The following GALNT9 variants were observed in gnomAD, a reference collection of about 807,000 sequenced individuals.
The protein encoded by GALNT9 is GalNAc transferase 9.
Under a neutral mutation model 63.1 loss-of-function variants are expected in GALNT9, and 47 were observed. The observed-to-expected ratio is 0.75, with a 90% confidence interval of 0.59 to 0.95. GALNT9 has a LOEUF of 0.95. Among genes scored for constraint, GALNT9 ranks in the 40% least tolerant of loss-of-function variants. GALNT9 has a pLI of 0.00. For synonymous variants in GALNT9, 396 were observed against 365.7 expected, an observed-to-expected ratio of 1.08 and a Z score of -0.94; for missense variants, 829 against 874.8, an observed-to-expected ratio of 0.95 and a Z score of 0.66.
chr12:132,240,690 T>C (rs2136899207), intron 6 of GALNT9: 1 of 455,976 alleles, frequency 2.2e-6, no homozygotes, highest in Admixed American at 2.4e-5. Flanking sequence ...TTTTATTCTG[T>C]TTATAATTTA....
chr12:132,270,096 G>A lies in GALNT9; in HGVS notation c.420-7471C>T, dbSNP rs540875541. ...ACAAGAACAAGTCCCATTTAGGGCC[G>A]AGAAATGAAACAGGGTCACACCTAT... is the stretch of plus-strand genomic sequence containing the variant. On this transcript the variant is annotated intron_variant, in intron 2 of 10. Transcript: ENST00000328957. Among the ~76,000 whole-genome samples, 8 of 152,332 alleles carry A rather than the reference G, an allele frequency of 5.3e-5. No homozygotes were observed. In the East Asian group the frequency reaches 1.5e-3, roughly 29 times the overall value.
chr12:132,200,670 A>G (rs144117189), intron 8 of GALNT9: 6 of 160,646 alleles, frequency 3.7e-5, no homozygotes, highest in East Asian at 1.8e-4. Context: ...GCTCTTGTAC[A>G]TATGAGTGTT....
chr12:132,254,761 T>C (rs66912639), intron 5 of GALNT9, among the ~76,000 whole-genome samples: 9,983 of 152,290 alleles, frequency 0.066, 1,043 homozygotes, highest in African/African-American at 0.23. Flanking sequence ...CCTCTTGGTC[T>C]GTCCCTATTC....
intron 6 of GALNT9, among the ~76,000 whole-genome samples, chr12:132,216,715 T>C (rs1280699132): frequency 6.6e-6 from 1 of 152,228 alleles, no homozygotes; most frequent in Non-Finnish European, 1.5e-5. Context: ...CTGACTGGGA[T>C]GCCCACTCAC....
At chr12:132,317,492 A>G (rs1469225099) in intron 1 of GALNT9, among the ~76,000 whole-genome samples, 2 of 152,242 alleles carry the variant, frequency 1.3e-5, no homozygotes, top group Non-Finnish European at 2.9e-5. Context: ...CTCACCAAGG[A>G]GACCTGCGGT....
rs1279007250 is a variant in GALNT9, at chr12:132,315,392, G to A, written c.238+13574C>T. The stretch of plus-strand genomic sequence containing the variant: ...CCCCCGTGTCCACTGCAAAGTGCTC[G>A]AGCCTCAGAATATTAACAGGCATTT... On this transcript the variant is annotated intron_variant, in intron 1 of 10. Transcript: ENST00000328957. This position sits in a 1 kb window ranked among gnomAD's most constrained non-coding sequence, Gnocchi z 6.1. Among the ~76,000 whole-genome samples, 5 of 152,026 alleles carry A rather than the reference G, an allele frequency of 3.3e-5. No individual in the cohort carries two copies. Among genetic ancestry groups the A allele is most frequent in the African/African-American group, 9.7e-5 (4 of 41,360 alleles).
intron 1 of GALNT9, among the ~76,000 whole-genome samples, chr12:132,299,044 C>CATG (rs1881187189): frequency 6.8e-6 from 1 of 147,264 alleles, no homozygotes; most frequent in African/African-American, 2.5e-5. Flanking sequence ...AACTCACTCC[C>CATG]ATACCTCACC....
At chr12:132,260,292 ACCTTGG>A (rs1879327110) in intron 4 of GALNT9, among the ~76,000 whole-genome samples, 1 of 151,848 alleles carries the variant, frequency 6.6e-6, no homozygotes, top group Non-Finnish European at 1.5e-5. Flanking sequence ...CCCTGCCCAC[ACCTTGG>A]AGTCGGGCCC....
intron 2 of GALNT9, chr12:132,274,717 A>G (rs1237405832): frequency 2.0e-5 from 3 of 152,286 alleles, no homozygotes; most frequent in African/African-American, 7.2e-5. Flanking sequence ...CGTAACATTA[A>G]AAGTCTAAGT....
intron 6 of GALNT9, among the ~76,000 whole-genome samples, chr12:132,230,755 C>A (rs1479569622): frequency 6.6e-6 from 1 of 152,244 alleles, no homozygotes; most frequent in Non-Finnish European, 1.5e-5. Context: ...GATAGCCACA[C>A]TGGAGGCTGA....
intron 6 of GALNT9, chr12:132,247,534 C>A: frequency 2.1e-6 from 1 of 470,968 alleles, no homozygotes; most frequent in Non-Finnish European, 4.2e-6. Flanking sequence ...GCTCAGTGCG[C>A]TGAGCAGGAG....
At chr12:132,289,075 G>C (rs1555242468) in intron 1 of GALNT9, among the ~76,000 whole-genome samples, 1 of 152,208 alleles carries the variant, frequency 6.6e-6, no homozygotes, top group African/African-American at 2.4e-5. Context: ...TTTGGTCAGG[G>C]CATATCTTGC....
chr12:132,328,456 G>T (rs1023519001), intron 1 of GALNT9, among the ~76,000 whole-genome samples: 26 of 152,318 alleles, frequency 1.7e-4, no homozygotes, highest in African/African-American at 6.3e-4. Flanking sequence ...GGGCCGCCTA[G>T]CCCAGTGGTC....
Position 132,327,706 on chromosome 12 carries a change from C to T in GALNT9, c.238+1260G>A, listed in dbSNP as rs1260341044. On this transcript the variant is annotated intron_variant, in intron 1 of 10. Transcript: ENST00000328957. This position sits in a 1 kb window ranked among gnomAD's most constrained non-coding sequence, Gnocchi z 4.3. Reference sequence around the variant, plus strand: ...ACAGAGCTCACCAAGCACAGCTCTGCGGGAAAGTCAGGGATTCTGTGGGTG... The same window carrying T: ...ACAGAGCTCACCAAGCACAGCTCTGTGGGAAAGTCAGGGATTCTGTGGGTG... 5.3e-5 allele frequency among the ~76,000 whole-genome samples: 8 copies of T among 152,106 alleles called. No individual in the cohort carries two copies. Among genetic ancestry groups the T allele is most frequent in the Non-Finnish European group, 8.8e-5 (6 of 68,022 alleles).
intron 6 of GALNT9, among the ~76,000 whole-genome samples, chr12:132,214,377 C>G (rs1877096426): frequency 6.6e-6 from 1 of 152,238 alleles, no homozygotes; most frequent in East Asian, 1.9e-4. Context: ...ACATCTGGAA[C>G]CTCACTAGCC....
chr12:132,240,510 A>C (rs2136898416), intron 6 of GALNT9: 147 of 424,704 alleles, frequency 3.5e-4, no homozygotes, highest in Non-Finnish European at 5.7e-4. Flanking sequence ...CACTCACTCC[A>C]GTCGCTGGCA....
rs374448381 is a variant in GALNT9 at position 132,252,676 on chromosome 12, C to T, written c.960-4649G>A. On this transcript the variant is annotated intron_variant, in intron 5 of 10. Coordinates refer to ENST00000328957, the MANE Select transcript of GALNT9 (RefSeq NM_001122636.2). The surrounding 1 kb of genome is among the most constrained non-coding windows in gnomAD (Gnocchi z 5.2). ...GGCGGATCACCTGAGGTCGGGAGTT[C>T]GAGACCAGCCTGACCAACATGGAGA... Among the ~76,000 whole-genome samples the T allele has an allele frequency of 3.5e-4, 53 of 152,024 alleles. No individual in the cohort carries two copies. The highest frequency in any genetic ancestry group is 1.2e-3 in the African/African-American group (50 of 41,448).
At chr12:132,272,038 G>T (rs1879886293) in intron 2 of GALNT9, among the ~76,000 whole-genome samples, 1 of 152,124 alleles carries the variant, frequency 6.6e-6, no homozygotes, top group Admixed American at 6.5e-5. Flanking sequence ...AGGGCGGGGG[G>T]AGGAGGAGAC....
rs1181916075 is a variant in GALNT9 at position 132,301,986 on chromosome 12, C to T, written c.239-15556G>A. 2.6e-5 allele frequency among the ~76,000 whole-genome samples: 4 copies of T among 152,234 alleles called. No homozygotes were observed. The South Asian group carries it at 6.2e-4, about 24-fold the overall frequency. ...CTTGTCCACAGAAACACCTGCCTGA[C>T]AACCCCGAGGGGCTCACGTGTTTAT... On this transcript the variant is annotated intron_variant, in intron 1 of 10. Coordinates refer to ENST00000328957, the MANE Select transcript of GALNT9 (RefSeq NM_001122636.2).
Sources: allele counts gnomAD v4.1 joint callset (sites outside exome capture counted in the v4.1 genomes callset), GRCh38; gene constraint gnomAD v4.1.1; non-coding constraint Gnocchi (gnomAD v3.1); transcripts MANE v1.5; gene names NCBI Gene and HGNC (gene_info 2026-07-23, HGNC 2026-07-21).